The following ZNF746 variants were observed in gnomAD, a reference collection of about 807,000 sequenced individuals.
ZNF746 encodes the protein parkin-interacting substrate.
In ZNF746, 13 loss-of-function variants were observed where a neutral mutation model predicts 41.0. The ratio of observed to expected loss-of-function variants is 0.32; its 90% CI spans 0.21 to 0.50. ZNF746 has a LOEUF of 0.50. ZNF746 is among the 20% of genes least tolerant of loss of function. The pLI, the probability that ZNF746 is intolerant of heterozygous loss-of-function variation, is 0.98. For missense variants in ZNF746, 811 were observed against 922.9 expected (o/e 0.88, Z 1.57); for synonymous variants, 424 against 396.2 (o/e 1.07, Z -0.83).
chr7:149,494,138 C>A lies in ZNF746; in HGVS notation c.325-23G>T. ...CACCTGGAACCACAAGTGTCACACTCGCTCACCCACACGCTCACGGGTTTG... is the reference window on the plus strand; with the variant it reads ...CACCTGGAACCACAAGTGTCACACTAGCTCACCCACACGCTCACGGGTTTG... On this transcript the variant is annotated intron_variant, in intron 2 of 6. Coordinates refer to ENST00000458143, the MANE Select transcript of ZNF746 (RefSeq NM_001394198.1). This position sits in a 1 kb window ranked among gnomAD's most constrained non-coding sequence, Gnocchi z 5.6. 1 of 1,614,174 alleles carries A rather than the reference C, an allele frequency of 6.2e-7. No individual in the cohort carries two copies. The highest frequency in any genetic ancestry group is 1.1e-5 in the South Asian group (1 of 91,082).
At chr7:149,476,455 G>C (rs1252066954) in intron 6 of ZNF746, among the ~76,000 whole-genome samples, 1 of 151,454 alleles carries the variant, frequency 6.6e-6, no homozygotes, top group African/African-American at 2.4e-5. Flanking sequence ...CGTTATTATA[G>C]TAACAGGTGA....
intron 4 of ZNF746, 52 bp from the exon 5 acceptor site, chr7:149,477,807 G>A: frequency 6.9e-7 from 1 of 1,450,462 alleles, no homozygotes; most frequent in Non-Finnish European, 9.3e-7. Context: ...CTCAGCCCTG[G>A]GGCATACACG....
At position 149,474,957 on chromosome 7, in the gene ZNF746, G is replaced by C; in HGVS notation, c.1410C>G (p.Thr470=). The C allele has an allele frequency of 6.5e-7, 1 of 1,547,394 alleles. No homozygotes were observed. The highest frequency in any genetic ancestry group is 1.2e-5 in the South Asian group (1 of 83,976). ...GGAAGCTCTTCCCACACGTGGCGCA[G>C]GTGAAGGGCCGGCCCCCGGGGGGCG... ...PAAPPGGRPF[T]CATCGKSFQL... is the part of the protein sequence containing the mutation. Residue 470 remains threonine, a synonymous_variant, in exon 7 of 7, where the codon ACC becomes ACG. Coordinates refer to ENST00000458143, the MANE Select transcript of ZNF746 (RefSeq NM_001394198.1). This position sits in a 1 kb window ranked among gnomAD's most constrained non-coding sequence, Gnocchi z 6.3.
chr7:149,494,546 A>G lies in ZNF746; in HGVS notation c.25-43T>C, dbSNP rs555772085. The G allele has an allele frequency of 6.2e-7, 1 of 1,607,394 alleles. No individual in the cohort carries two copies. The highest frequency in any genetic ancestry group is 1.1e-5 in the South Asian group (1 of 90,314). On this transcript the variant is annotated intron_variant, in intron 1 of 6. Coordinates refer to ENST00000458143, the MANE Select transcript of ZNF746 (RefSeq NM_001394198.1). This position sits in a 1 kb window ranked among gnomAD's most constrained non-coding sequence, Gnocchi z 5.6. ...GAAACTGGCATCACTCATTCCATCC[A>G]CTGTCTTCATTGAGCCCCTCTCTCC...
At chr7:149,495,376 C>G (rs1461839740) in intron 1 of ZNF746, among the ~76,000 whole-genome samples, 1 of 152,216 alleles carries the variant, frequency 6.6e-6, no homozygotes, top group Non-Finnish European at 1.5e-5. Context: ...CACAGTTAGA[C>G]TTGTATATGG....
At chr7:149,482,467 G>GTTTTT (rs35195599) in intron 4 of ZNF746, among the ~76,000 whole-genome samples, 1 of 144,662 alleles carries the variant, frequency 6.9e-6, no homozygotes, top group Non-Finnish European at 1.5e-5. Context: ...TAATTCTAAG[G>GTTTTT]TTTTTTTTTT....
intron 6 of ZNF746, among the ~76,000 whole-genome samples, chr7:149,475,997 C>T (rs1042737576): frequency 6.6e-6 from 1 of 152,200 alleles, no homozygotes; most frequent in South Asian, 2.1e-4. Context: ...GACCCACCAG[C>T]TAATGATAAA....
Position 149,494,581 on chromosome 7 carries a change from G to C in ZNF746, c.25-78C>G. 6.4e-7 allele frequency: 1 copy of C among 1,558,542 alleles called. No individual in the cohort carries two copies. On this transcript the variant is annotated intron_variant, in intron 1 of 6. Coordinates refer to ENST00000458143, the MANE Select transcript of ZNF746 (RefSeq NM_001394198.1). This position sits in a 1 kb window ranked among gnomAD's most constrained non-coding sequence, Gnocchi z 5.6. Reference sequence around the variant, plus strand: ...TTGAGCCCCTCTCTCCCTAGGCACGGGGGAGTTGGGCTGGGAGTCCATATG... The same window carrying C: ...TTGAGCCCCTCTCTCCCTAGGCACGCGGGAGTTGGGCTGGGAGTCCATATG...
intron 1 of ZNF746, among the ~76,000 whole-genome samples, chr7:149,495,243 A>C (rs186708469): frequency 1.3e-5 from 2 of 152,010 alleles, no homozygotes; most frequent in Admixed American, 6.6e-5. Flanking sequence ...TGAGCCCTAC[A>C]AGATTCTTTC....
intron 4 of ZNF746, chr7:149,492,061 A>C: frequency 1.4e-6 from 1 of 695,664 alleles, no homozygotes; most frequent in Non-Finnish European, 2.6e-6. Context: ...GGTTTAAATT[A>C]AGGTTGGTTC....
Position 149,494,383 on chromosome 7 carries a change from A to C in ZNF746, c.145T>G (p.Cys49Gly). The C allele has an allele frequency of 6.2e-7, 1 of 1,614,018 alleles. No individual in the cohort carries two copies. Among genetic ancestry groups the C allele is most frequent in the Non-Finnish European group, 8.5e-7 (1 of 1,179,890 alleles). ...CCGAACTCCACGGCTGTCTTCTCGC[A>C]ATCAGCCAGCTTCTTCTCGGCCATC... ...TGMAEKKLAD[C>G]EKTAVEFGNQ... is the part of the protein sequence containing the mutation. The change falls in exon 2 of 7, where the codon TGC (cysteine) becomes GGC (glycine). Residue 49 changes from cysteine (C) to glycine (G), a missense_variant. By Grantham distance (159) the Cys-to-Gly change is radical (BLOSUM62 -3). Transcript: ENST00000458143. This position sits in a 1 kb window ranked among gnomAD's most constrained non-coding sequence, Gnocchi z 5.6.
At chr7:149,491,062 A>T (rs1227983253) in intron 4 of ZNF746, 1 of 152,604 alleles carries the variant, frequency 6.6e-6, no homozygotes, top group Non-Finnish European at 1.5e-5. Flanking sequence ...AGGGATGTGC[A>T]GGAGGTGAGG....
intron 4 of ZNF746, chr7:149,491,769 G>A (rs1800817118): frequency 1.5e-6 from 1 of 653,424 alleles, no homozygotes; most frequent in Non-Finnish European, 2.8e-6. Context: ...CAAGGCAGGT[G>A]GGACGGTCAA....
intron 4 of ZNF746, among the ~76,000 whole-genome samples, chr7:149,480,093 T>C (rs1381548029): frequency 2.6e-5 from 4 of 152,194 alleles, no homozygotes; most frequent in Non-Finnish European, 5.9e-5. Context: ...TAAGTCTGCA[T>C]TGGCATCAGA....
In ZNF746 at chr7:149,494,306, G is replaced by A. The variant is rs377555049; in HGVS notation, c.222C>T (p.Tyr74=). ...TCTCCAGCCGCCTCTGCAGCAGCCC[G>A]TACTCCTGCAGCAGGGTCCCCAGCA... ...WAVLGTLLQE[Y]GLLQRRLENV... Residue 74 remains tyrosine, a synonymous_variant, in exon 2 of 7, where the codon TAC becomes TAT. Coordinates refer to ENST00000458143, the MANE Select transcript of ZNF746 (RefSeq NM_001394198.1). This position sits in a 1 kb window ranked among gnomAD's most constrained non-coding sequence, Gnocchi z 5.6. The A allele has an allele frequency of 2.4e-5, 39 of 1,613,876 alleles. No individual in the cohort carries two copies. The highest frequency in any genetic ancestry group is 2.9e-5 in the Non-Finnish European group (34 of 1,179,946).
chr7:149,477,302 C>T (rs112298397), intron 5 of ZNF746, among the ~76,000 whole-genome samples: 2 of 152,284 alleles, frequency 1.3e-5, no homozygotes, highest in Non-Finnish European at 2.9e-5. Flanking sequence ...ATGCCCAATG[C>T]TGGGGCAAGA....
chr7:149,476,861 G>A, intron 6 of ZNF746, 61 bp downstream of exon 6: 1 of 1,610,648 alleles, frequency 6.2e-7, no homozygotes, highest in South Asian at 1.1e-5. Flanking sequence ...TGGGATGCCT[G>A]GACCGAGGTA....
At chr7:149,496,650 G>C (rs967186558) in intron 1 of ZNF746, among the ~76,000 whole-genome samples, 2 of 152,148 alleles carry the variant, frequency 1.3e-5, no homozygotes, top group Non-Finnish European at 2.9e-5. Flanking sequence ...CACCGGTCTA[G>C]CTGGGCCTGA....
At position 149,494,289 on chromosome 7, in the gene ZNF746, C is replaced by T. The variant is rs1800916054; in HGVS notation, c.239G>A (p.Arg80Gln). ...LLQEYGLLQR[R>Q]LENVENLLRN... Reference sequence around the variant, plus strand: ...CAGCAGGTTCTCCACGTTCTCCAGCCGCCTCTGCAGCAGCCCGTACTCCTG... The same window carrying T: ...CAGCAGGTTCTCCACGTTCTCCAGCTGCCTCTGCAGCAGCCCGTACTCCTG... The change falls in exon 2 of 7, where the codon CGG becomes CAG. Residue 80 changes from arginine to glutamine, a missense_variant. Physicochemically the swap from Arg to Gln is conservative, Grantham distance 43 (BLOSUM62 1). Transcript: ENST00000458143. The surrounding 1 kb of genome is among the most constrained non-coding windows in gnomAD (Gnocchi z 5.6). 6.2e-7 allele frequency: 1 copy of T among 1,613,988 alleles called. No homozygotes were observed. The highest frequency in any genetic ancestry group is 8.5e-7 in the Non-Finnish European group (1 of 1,179,998).
Sources: allele counts gnomAD v4.1 joint callset (sites outside exome capture counted in the v4.1 genomes callset), GRCh38; gene constraint gnomAD v4.1.1; non-coding constraint Gnocchi (gnomAD v3.1); transcripts MANE v1.5; gene names NCBI Gene and HGNC (gene_info 2026-07-23, HGNC 2026-07-21).